The following FHIT variants were observed in gnomAD, a reference collection of about 807,000 sequenced individuals.
FHIT encodes fragile histidine triad diadenosine triphosphatase.
Under a neutral mutation model 17.9 loss-of-function variants are expected in FHIT, and 19 were observed. The observed-to-expected ratio is 1.06, with a 90% CI of 0.74 to 1.56. The LOEUF is 1.56. FHIT is among the 40% of genes most tolerant of loss of function. FHIT has a pLI of 0.00. For missense variants in FHIT, 248 were observed against 189.2 expected (o/e 1.31, Z -1.82); for synonymous variants, 81 against 69.7 (o/e 1.16, Z -0.81).
chr3:60,743,040 G>A (rs1553714305), intron 4 of FHIT, among the ~76,000 whole-genome samples: 1 of 152,200 alleles, frequency 6.6e-6, no homozygotes, highest in African/African-American at 2.4e-5. Context: ...GTTCACCCTT[G>A]CTCCCTCTGG....
intron 3 of FHIT, among the ~76,000 whole-genome samples, chr3:60,884,739 T>A (rs2107143239): frequency 6.6e-6 from 1 of 151,786 alleles, no homozygotes; most frequent in East Asian, 1.9e-4. Context: ...GAGACCAGCC[T>A]GGGTAATATG....
intron 3 of FHIT, among the ~76,000 whole-genome samples, chr3:60,945,969 T>C (rs1242082911): frequency 5.3e-5 from 8 of 152,132 alleles, no homozygotes; most frequent in Non-Finnish European, 8.8e-5. Context: ...CCTCCATCCA[T>C]CCACACTCAG....
At chr3:60,538,388 C>T (rs1271791603) in intron 4 of FHIT, among the ~76,000 whole-genome samples, 1 of 152,128 alleles carries the variant, frequency 6.6e-6, no homozygotes, top group African/African-American at 2.4e-5. Flanking sequence ...AGATTCAATG[C>T]CATCCCCATC....
chr3:60,089,066 T>A (rs1416517090), intron 5 of FHIT, among the ~76,000 whole-genome samples: 1 of 152,156 alleles, frequency 6.6e-6, no homozygotes, highest in Non-Finnish European at 1.5e-5. Flanking sequence ...AGGGCAGAAA[T>A]CATCATTTAT....
rs144021272 is a variant in FHIT at position 59,970,346 on chromosome 3, G to C, written c.279+41025C>G. On this transcript the variant is annotated intron_variant, in intron 7 of 9. Transcript: ENST00000492590. ...AATTCCTAATGAAGCATAATGAATC[G>C]TAAAGAGGCACCAATGCTCATCCCA... Among the ~76,000 whole-genome samples the C allele has an allele frequency of 2.8e-3, 421 of 152,148 alleles. 2 individuals are homozygous for C. The highest frequency in any genetic ancestry group is 9.7e-3 in the African/African-American group (404 of 41,522).
At chr3:60,368,173 A>G (rs1700185421) in intron 5 of FHIT, among the ~76,000 whole-genome samples, 1 of 149,570 alleles carries the variant, frequency 6.7e-6, no homozygotes, top group Non-Finnish European at 1.5e-5. Context: ...ATGGAACTGT[A>G]AAATCATAAA....
Position 59,904,460 on chromosome 3 carries a change from A to G in FHIT, c.348+17886T>C, listed in dbSNP as rs144537881. On this transcript the variant is annotated intron_variant, in intron 8 of 9. Transcript: ENST00000492590. ...TGGAGAAAGTATTTGAGTTGACAAAATTATGGGATTTCCCTTCAATATTCC... is the reference window on the plus strand; with the variant it reads ...TGGAGAAAGTATTTGAGTTGACAAAGTTATGGGATTTCCCTTCAATATTCC... Among the ~76,000 whole-genome samples the G allele has an allele frequency of 2.6e-5, 4 of 152,274 alleles. No individual in the cohort carries two copies. In the East Asian group the frequency reaches 7.7e-4, roughly 29 times the overall value.
chr3:60,816,827 G>T (rs565568857), intron 4 of FHIT, among the ~76,000 whole-genome samples: 4 of 152,068 alleles, frequency 2.6e-5, no homozygotes, highest in Middle Eastern at 3.4e-3. Context: ...TGTACATCAG[G>T]TAGAATTTTG....
rs571158112 is a variant in FHIT at position 60,734,135 on chromosome 3, C to T, written c.-18+87784G>A. On this transcript the variant is annotated intron_variant, in intron 4 of 9. Coordinates refer to ENST00000492590, the MANE Select transcript of FHIT (RefSeq NM_002012.4). ...AGGGATGGAAAATATACAATGCAAG[C>T]GCCATTGTTTCACTCTCCTGGGCCT... 2.7e-4 allele frequency among the ~76,000 whole-genome samples: 41 copies of T among 151,662 alleles called. No individual in the cohort carries two copies. The South Asian group carries it at 6.3e-3, about 23-fold the overall frequency.
chr3:60,648,137 G>A (rs1328655161), intron 4 of FHIT, among the ~76,000 whole-genome samples: 1 of 152,164 alleles, frequency 6.6e-6, no homozygotes, highest in Non-Finnish European at 1.5e-5. Flanking sequence ...GGGAGTCAGG[G>A]AGTGGGTAGA....
At chr3:61,202,334 G>A (rs928002491) in intron 1 of FHIT, among the ~76,000 whole-genome samples, 5 of 149,448 alleles carry the variant, frequency 3.3e-5, no homozygotes, top group South Asian at 2.1e-4. Flanking sequence ...CTCGGCAGCC[G>A]CCCTGTCTGG....
chr3:60,868,572 A>G (rs114164618), intron 3 of FHIT, among the ~76,000 whole-genome samples: 3,750 of 152,238 alleles, frequency 0.025, 151 homozygotes, highest in African/African-American at 0.084. Context: ...TTATCTAGGA[A>G]TAAATTATAT....
intron 1 of FHIT, among the ~76,000 whole-genome samples, chr3:61,218,664 T>C (rs558703217): frequency 5.0e-4 from 76 of 152,208 alleles, no homozygotes; most frequent in Admixed American, 2.0e-4. Context: ...CCTGAGAAGG[T>C]TGAAAGGGAC....
At chr3:59,891,511 G>A (rs1200220613) in intron 8 of FHIT, among the ~76,000 whole-genome samples, 3 of 152,128 alleles carry the variant, frequency 2.0e-5, no homozygotes, top group Non-Finnish European at 2.9e-5. Context: ...TCATCCCCCC[G>A]ACATCACAGA....
chr3:59,755,220 G>GTCTGGCCTACAAGGCTTGTCT (rs1701152284), intron 8 of FHIT, among the ~76,000 whole-genome samples: 1 of 152,180 alleles, frequency 6.6e-6, no homozygotes, highest in Non-Finnish European at 1.5e-5. Flanking sequence ...TCCATGGGAT[G>GTCTGGCCTACAAGGCTTGTCT]TCTGGCCTAC....
At chr3:60,532,473 A>AAT (rs2035821548) in intron 5 of FHIT, among the ~76,000 whole-genome samples, 1 of 152,340 alleles carries the variant, frequency 6.6e-6, no homozygotes, top group East Asian at 1.9e-4. Flanking sequence ...AGCCATGAAC[A>AAT]ATAGCTGGGC....
intron 8 of FHIT, among the ~76,000 whole-genome samples, chr3:59,881,488 TCACAAG>T (rs1703408595): frequency 6.6e-6 from 1 of 152,146 alleles, no homozygotes; most frequent in Non-Finnish European, 1.5e-5. Context: ...CTTCAGAGCA[TCACAAG>T]CCCCCTGTTA....
At chr3:60,346,906 A>T (rs2106924956) in intron 5 of FHIT, among the ~76,000 whole-genome samples, 1 of 152,322 alleles carries the variant, frequency 6.6e-6, no homozygotes, top group East Asian at 1.9e-4. Flanking sequence ...ATAGATTTTT[A>T]AAATTTATTA....
At chr3:61,211,506 A>G (rs926397510) in intron 1 of FHIT, among the ~76,000 whole-genome samples, 1 of 152,204 alleles carries the variant, frequency 6.6e-6, no homozygotes, top group African/African-American at 2.4e-5. Context: ...GCCAGGAAGC[A>G]TGAACTGGGT....
Sources: gnomAD v4.1 joint callset for allele counts (sites outside exome capture counted in the v4.1 genomes callset) on GRCh38, gnomAD v4.1.1 for gene constraint, MANE v1.5 for transcripts, NCBI Gene and HGNC (gene_info 2026-07-23, HGNC 2026-07-21) for gene names.